TEAD4: variants seen among roughly 807,000 people sequenced by gnomAD.
TEAD4 encodes the protein TEA domain transcription factor 4, also known as transcriptional enhancer factor TEF-3.
In TEAD4, 36 loss-of-function variants were observed where a neutral mutation model predicts 52.4. The ratio of observed to expected loss-of-function variants is 0.69; its 90% CI spans 0.53 to 0.91. The LOEUF is 0.91. Ranked by LOEUF, TEAD4 falls within the 40% of genes least tolerant of loss-of-function variation. The pLI is 0.00. For synonymous variants in TEAD4, 220 were observed against 231.0 expected, an observed-to-expected ratio of 0.95 and a Z score of 0.43; for missense variants, 508 against 583.9, an observed-to-expected ratio of 0.87 and a Z score of 1.34.
intron 2 of TEAD4, among the ~76,000 whole-genome samples, chr12:2,974,055 C>T (rs566873241): frequency 1.7e-4 from 26 of 152,190 alleles, no homozygotes; most frequent in African/African-American, 3.9e-4. Flanking sequence ...TCGCCCAGAC[C>T]GGAGTGTAGT....
intron 10 of TEAD4, among the ~76,000 whole-genome samples, chr12:3,033,781 G>A (rs527582251): frequency 8.5e-5 from 13 of 152,330 alleles, no homozygotes; most frequent in Middle Eastern, 3.4e-3. Flanking sequence ...GCAGGGGACC[G>A]GGGCAGCTCT....
chr12:2,961,403 C>T (rs2098215174), intron 2 of TEAD4, among the ~76,000 whole-genome samples: 1 of 151,866 alleles, frequency 6.6e-6, no homozygotes, highest in South Asian at 2.1e-4. Flanking sequence ...GAAACTGTCT[C>T]GGGGGTTGGG....
chr12:3,032,614 C>T (rs2098276375), intron 10 of TEAD4, among the ~76,000 whole-genome samples: 1 of 152,182 alleles, frequency 6.6e-6, no homozygotes, highest in Non-Finnish European at 1.5e-5. Context: ...TGGGGACCTG[C>T]CAGGGGCTGT....
chr12:2,970,847 G>A (rs116127048), intron 2 of TEAD4, among the ~76,000 whole-genome samples: 1,619 of 152,332 alleles, frequency 0.011, 35 homozygotes, highest in African/African-American at 0.038. Context: ...ATGCTCCGTC[G>A]TAAATTGCAT....
intron 2 of TEAD4, among the ~76,000 whole-genome samples, chr12:2,993,787 T>G (rs1038070342): frequency 1.3e-5 from 2 of 152,196 alleles, no homozygotes; most frequent in African/African-American, 4.8e-5. Context: ...CTAATGTGAC[T>G]GCTTAGATAC....
chr12:3,008,937 C>T (rs144967061), intron 3 of TEAD4, among the ~76,000 whole-genome samples: 60 of 152,340 alleles, frequency 3.9e-4, no homozygotes, highest in African/African-American at 1.3e-3. Context: ...AACCTCTCTT[C>T]TTCCCTCATG....
chr12:3,024,124 AG>A (rs1414871956), intron 10 of TEAD4, among the ~76,000 whole-genome samples: 4 of 151,786 alleles, frequency 2.6e-5, no homozygotes, highest in East Asian at 3.9e-4. Flanking sequence ...CCCAGGCTAG[AG>A]GTGCAGTGGC....
intron 2 of TEAD4, among the ~76,000 whole-genome samples, chr12:2,969,683 G>A (rs61916418): frequency 0.044 from 6,726 of 152,314 alleles, 169 homozygotes; most frequent in South Asian, 0.076. Flanking sequence ...GGCAAGGCTT[G>A]GGACGAGGGT....
chr12:3,003,063 C>A lies in TEAD4; in HGVS notation c.227-7941C>A, dbSNP rs367609515. ...ACACACCCTGGCCCCCGCTTCCAGG[C>A]CATTGGGGATTAGGGTGGGGCAGCA... is the stretch of plus-strand genomic sequence containing the variant. On this transcript the variant is annotated intron_variant, in intron 3 of 12. Transcript: ENST00000359864. Among the ~76,000 whole-genome samples, 19 of 152,282 alleles carry A rather than the reference C, an allele frequency of 1.2e-4. No homozygotes were observed. The East Asian group carries it at 1.4e-3, about 11-fold the overall frequency.
Position 2,994,777 on chromosome 12 carries a change from C to T in TEAD4, c.11C>T (p.Thr4Met), listed in dbSNP as rs774772555. The change falls in exon 3 of 13, where the codon ACG (threonine) becomes ATG (methionine). Residue 4 changes from threonine to methionine, a missense_variant. Thr to Met is a moderately conservative substitution (Grantham distance 81). Transcript: ENST00000359864. This position sits in a 1 kb window ranked among gnomAD's most constrained non-coding sequence, Gnocchi z 4.7. ...CCTCCAAGCGGAGCCTTGGAGGGCA[C>T]GGCCGGCACCATTACCTCCAACGAG... 2.4e-5 allele frequency: 39 copies of T among 1,610,204 alleles called. No individual in the cohort carries two copies. The highest frequency in any genetic ancestry group is 4.0e-5 in the African/African-American group (3 of 74,860).
chr12:3,001,184 A>C (rs2098251418), intron 3 of TEAD4, among the ~76,000 whole-genome samples: 1 of 152,200 alleles, frequency 6.6e-6, no homozygotes, highest in Non-Finnish European at 1.5e-5. Context: ...GGAGGTCATA[A>C]TACTACTACC....
chr12:2,969,482 A>T (rs1427947048), intron 2 of TEAD4, among the ~76,000 whole-genome samples: 2 of 152,152 alleles, frequency 1.3e-5, no homozygotes, highest in Non-Finnish European at 2.9e-5. Flanking sequence ...CTTACTAGGG[A>T]TGCTTTGGAG....
rs752507117 is a variant in TEAD4, at chr12:3,017,479, A to G, written c.436A>G (p.Ser146Gly). Reference sequence around the variant, plus strand: ...GATCATCTCCGCCACGGCCTTCCACAGTAGCATGGCCCTCGCCCGGGGCCC... The same window carrying G: ...GATCATCTCCGCCACGGCCTTCCACGGTAGCATGGCCCTCGCCCGGGGCCC... Residue 146 changes from serine to glycine, a missense_variant, in exon 6 of 13, where the codon AGT becomes GGT. Transcript: ENST00000359864. 4 of 1,614,038 alleles carry G rather than the reference A, an allele frequency of 2.5e-6. No homozygotes were observed. The highest frequency in any genetic ancestry group is 3.4e-6 in the Non-Finnish European group (4 of 1,180,038).
At chr12:2,995,827 C>T (rs956704353) in intron 3 of TEAD4, among the ~76,000 whole-genome samples, 4 of 151,898 alleles carry the variant, frequency 2.6e-5, no homozygotes, top group South Asian at 2.1e-4. Context: ...GGCAACAAAG[C>T]GAGACACCAT....
chr12:3,040,205 C>A lies in TEAD4; in HGVS notation c.1137C>A (p.His379Gln). The stretch of plus-strand genomic sequence containing the variant: ...TCAACTTCATCCACAAGCTCAAGCA[C>A]CTCCCTGAGAAGTACATGATGAACA... The change falls in exon 12 of 13, where the codon CAC becomes CAA. Residue 379 changes from histidine to glutamine, a missense_variant. Coordinates refer to ENST00000359864, the MANE Select transcript of TEAD4 (RefSeq NM_003213.4). 6.2e-7 allele frequency: 1 copy of A among 1,614,242 alleles called. No individual in the cohort carries two copies. Among genetic ancestry groups the A allele is most frequent in the South Asian group, 1.1e-5 (1 of 91,090 alleles).
At chr12:2,984,026 G>A (rs552056925) in intron 2 of TEAD4, among the ~76,000 whole-genome samples, 3 of 152,172 alleles carry the variant, frequency 2.0e-5, no homozygotes, top group East Asian at 1.9e-4. Context: ...GAGTTGGTCC[G>A]GTGAACAAGG....
intron 4 of TEAD4, among the ~76,000 whole-genome samples, chr12:3,011,844 T>G (rs2098260606): frequency 6.6e-6 from 1 of 151,906 alleles, no homozygotes; most frequent in Admixed American, 6.6e-5. Flanking sequence ...TTTTGTATTT[T>G]TAGTAGAAAT....
chr12:2,966,986 A>C (rs565635762), intron 2 of TEAD4, among the ~76,000 whole-genome samples: 1 of 152,222 alleles, frequency 6.6e-6, no homozygotes, highest in East Asian at 1.9e-4. Context: ...GGATTACAGG[A>C]GTGAACCACC....
At chr12:2,987,673 C>T (rs556409864) in intron 2 of TEAD4, among the ~76,000 whole-genome samples, 164 of 151,880 alleles carry the variant, frequency 1.1e-3, no homozygotes, top group African/African-American at 3.6e-3. Context: ...CCGCCCGCCT[C>T]GGCCTCCCAA....
Sources: gnomAD v4.1 joint callset for allele counts (sites outside exome capture counted in the v4.1 genomes callset) on GRCh38, gnomAD v4.1.1 for gene constraint, Gnocchi (gnomAD v3.1) non-coding constraint, MANE v1.5 for transcripts, NCBI Gene and HGNC (gene_info 2026-07-23, HGNC 2026-07-21) for gene names.